BRSK2: variants seen among roughly 807,000 people sequenced by gnomAD.
BRSK2 encodes the protein serine/threonine-protein kinase BRSK2.
In BRSK2, 19 loss-of-function variants were observed where a neutral mutation model predicts 83.3. That is an observed-to-expected ratio of 0.23 (90% CI 0.16 to 0.33). The LOEUF (loss-of-function observed/expected upper bound fraction) is 0.33, where lower values mean the gene tolerates loss of function less well. Among genes scored for constraint, BRSK2 ranks in the 10% least tolerant of loss-of-function variants. BRSK2 has a pLI of 1.00. For missense variants in BRSK2, 798 were observed against 1,042.3 expected (o/e 0.77, Z 3.23); for synonymous variants, 519 against 435.4 (o/e 1.19, Z -2.39).
rs1381060712 is a variant in BRSK2, at chr11:1,456,742, C to T, written c.1939+55C>T. 3 of 1,528,956 alleles carry T rather than the reference C, an allele frequency of 2.0e-6. No individual in the cohort carries two copies. In the African/African-American group the frequency reaches 4.1e-5, roughly 21 times the overall value. The allele number at this position is 1,528,956 out of a possible 1,614,324, so 94.7% of individuals were successfully genotyped here. A position where few individuals can be genotyped will look rare whatever the true frequency, so the allele number is the denominator to read the frequency against. The stretch of plus-strand genomic sequence containing the variant: ...CGGCCTGCGAGTGGGGCGTGGCCAG[C>T]TGGTGCTGCGCGGACGGGAGGCGTG... On this transcript the variant is annotated intron_variant, in intron 18 of 19. Coordinates refer to ENST00000528841, the MANE Select transcript of BRSK2 (RefSeq NM_001256627.2).
At chr11:1,402,932 G>A (rs546035730) in intron 1 of BRSK2, among the ~76,000 whole-genome samples, 1 of 152,072 alleles carries the variant, frequency 6.6e-6, no homozygotes, top group African/African-American at 2.4e-5. Flanking sequence ...CCAAATCCCC[G>A]GGGATTTGTG....
intron 1 of BRSK2, among the ~76,000 whole-genome samples, chr11:1,391,190 C>T (rs906100083): frequency 1.3e-5 from 2 of 152,250 alleles, no homozygotes; most frequent in African/African-American, 4.8e-5. Context: ...TTGGCTAGCC[C>T]TTCATCTGGT....
chr11:1,448,551 G>A (rs796725226), intron 12 of BRSK2, among the ~76,000 whole-genome samples: 68 of 152,050 alleles, frequency 4.5e-4, no homozygotes, highest in African/African-American at 1.6e-3. Context: ...CCACCCCGGG[G>A]TTTCCAGCGC....
intron 8 of BRSK2, 41 bp downstream of exon 8, chr11:1,443,676 G>A (rs1297904860): frequency 1.5e-5 from 22 of 1,504,838 alleles, no homozygotes; most frequent in Admixed American, 2.2e-5. Context: ...AGCGTGGCGG[G>A]GGGGCGCGGG....
chr11:1,444,832 C>T (rs957750218), intron 8 of BRSK2, 139 bp from the exon 9 acceptor site: 14 of 767,076 alleles, frequency 1.8e-5, no homozygotes, highest in African/African-American at 1.5e-4. Context: ...TCTTCCTCCC[C>T]ACCTTCCCCC....
intron 1 of BRSK2, among the ~76,000 whole-genome samples, chr11:1,409,102 CTGTG>C (rs1847144756): frequency 1.3e-5 from 2 of 151,914 alleles, no homozygotes; most frequent in African/African-American, 4.8e-5. Flanking sequence ...GTACACACAT[CTGTG>C]TGTGCCGTCT....
At chr11:1,397,440 G>C (rs1406212440) in intron 1 of BRSK2, among the ~76,000 whole-genome samples, 15 of 152,230 alleles carry the variant, frequency 9.9e-5, no homozygotes, top group Admixed American at 9.8e-4. Context: ...CCACAGAGCA[G>C]TGCTCCCGAA....
chr11:1,429,194 CATGGGTGTGTGT>C (rs1356891329), intron 1 of BRSK2, among the ~76,000 whole-genome samples: 3 of 140,314 alleles, frequency 2.1e-5, no homozygotes, highest in Non-Finnish European at 4.6e-5. Flanking sequence ...TGCGCGTGTG[CATGGGTGTGTGT>C]GCACGCGGTG....
At chr11:1,443,217 C>G (rs1040064010) in intron 6 of BRSK2, 78 bp downstream of exon 6, 165 of 1,518,044 alleles carry the variant, frequency 1.1e-4, no homozygotes, top group Middle Eastern at 7.0e-4. Context: ...CCCAGCCTGC[C>G]GCACCCCCAG....
rs761583694 is a variant in BRSK2, at chr11:1,459,246, A to AT, written c.1987+8dup. Reference sequence around the variant, plus strand: ...GGGCGGCTTTCCAAATGTGGTAAGAATCCCCCACGCTCACCTGGCACCTCC... The same window carrying AT: ...GGGCGGCTTTCCAAATGTGGTAAGAATTCCCCCACGCTCACCTGGCACCTCC... On this transcript the variant is annotated splice_region_variant and intron_variant, in intron 19 of 19. Coordinates refer to ENST00000528841, the MANE Select transcript of BRSK2 (RefSeq NM_001256627.2). The AT allele has an allele frequency of 6.2e-7, 1 of 1,613,522 alleles. No homozygotes were observed. The highest frequency in any genetic ancestry group is 8.5e-7 in the Non-Finnish European group (1 of 1,179,730).
rs1845749700 is a variant in BRSK2 at position 1,391,866 on chromosome 11, G to A, written c.91+1491G>A. ...ACACGATGAGTTATGTGCTGTGCGCGGCCTCGGTGGGTAGGGGCTGGTCTC... is the reference window on the plus strand; with the variant it reads ...ACACGATGAGTTATGTGCTGTGCGCAGCCTCGGTGGGTAGGGGCTGGTCTC... On this transcript the variant is annotated intron_variant, in intron 1 of 19. Coordinates refer to ENST00000528841, the MANE Select transcript of BRSK2 (RefSeq NM_001256627.2). Among the ~76,000 whole-genome samples, 5 of 152,142 alleles carry A rather than the reference G, an allele frequency of 3.3e-5. No individual in the cohort carries two copies. The South Asian group carries it at 1.0e-3, about 31-fold the overall frequency.
chr11:1,452,859 C>T (rs910701412), intron 15 of BRSK2, among the ~76,000 whole-genome samples: 19 of 152,356 alleles, frequency 1.2e-4, no homozygotes, highest in Middle Eastern at 3.4e-3. Flanking sequence ...GGCGACAACT[C>T]GCTTGCTGGG....
rs1042898427 is a variant in BRSK2 at position 1,456,753 on chromosome 11, C to A, written c.1939+66C>A. On this transcript the variant is annotated intron_variant, in intron 18 of 19. Coordinates refer to ENST00000528841, the MANE Select transcript of BRSK2 (RefSeq NM_001256627.2). ...TGGGGCGTGGCCAGCTGGTGCTGCG[C>A]GGACGGGAGGCGTGAGGACCCGGGC... 1.9e-5 allele frequency: 29 copies of A among 1,502,278 alleles called. 1 individual carries two copies. The highest frequency in any genetic ancestry group is 1.6e-4 in the South Asian group (13 of 82,522). The allele number at this position is 1,502,278 out of a possible 1,614,324, so 93.1% of individuals were successfully genotyped here.
Position 1,460,770 on chromosome 11 carries a change from G to A in BRSK2, c.*47G>A, listed in dbSNP as rs1429292636. ...GCACAGCACTGACAGCGGCTGCCTC[G>A]CCGCCCGCCGCCCGCCCTGCCCCGA... is the stretch of plus-strand genomic sequence containing the variant. On this transcript the variant is annotated 3_prime_UTR_variant, in exon 20 of 20. Coordinates refer to ENST00000528841, the MANE Select transcript of BRSK2 (RefSeq NM_001256627.2). The A allele has an allele frequency of 4.5e-6, 6 of 1,347,262 alleles. No individual in the cohort carries two copies. Among genetic ancestry groups the A allele is most frequent in the Admixed American group, 3.7e-5 (1 of 26,962 alleles). The allele number at this position is 1,347,262 out of a possible 1,614,324, so 83.5% of individuals were successfully genotyped here. A position where few individuals can be genotyped will look rare whatever the true frequency, so the allele number is the denominator to read the frequency against.
chr11:1,443,349 C>T lies in BRSK2; in HGVS notation c.579C>T (p.Asp193=), dbSNP rs368596722. ...CPEVIRGEKY[D]GRKADVWSCG... ...GCTGTCCACAGGGGGAGAAGTATGA[C>T]GGCCGGAAGGCGGACGTGTGGAGCT... The change falls in exon 7 of 20, where the codon GAC becomes GAT. Residue 193 remains aspartate, a synonymous_variant. Transcript: ENST00000528841. 128 of 1,608,114 alleles carry T rather than the reference C, an allele frequency of 8.0e-5. No homozygotes were observed. The highest frequency in any genetic ancestry group is 9.6e-5 in the Non-Finnish European group (113 of 1,178,354).
At chr11:1,436,476 G>C (rs920014409) in intron 2 of BRSK2, among the ~76,000 whole-genome samples, 16 of 152,168 alleles carry the variant, frequency 1.1e-4, no homozygotes, top group Non-Finnish European at 2.1e-4. Context: ...CCCTGCCTCA[G>C]AGCACCCCTC....
intron 1 of BRSK2, among the ~76,000 whole-genome samples, chr11:1,399,473 G>A (rs1030292841): frequency 9.2e-5 from 14 of 152,196 alleles, no homozygotes; most frequent in African/African-American, 3.4e-4. Flanking sequence ...TCCCCCAGCC[G>A]ATGGGATTTT....
chr11:1,439,832 A>AGGGCTTCACACCTTCCCCTGCCCTGG (rs1204595430), intron 3 of BRSK2, among the ~76,000 whole-genome samples: 2,110 of 142,890 alleles, frequency 0.015, 35 homozygotes, highest in Non-Finnish European at 0.021. Flanking sequence ...CCCTGCCCTG[A>AGGGCTTCACACCTTCCCCTGCCCTGG]GGGCTTCACA....
Position 1,443,113 on chromosome 11 carries a change from C to A in BRSK2, c.538C>A (p.His180Asn). 1 of 1,535,586 alleles carries A rather than the reference C, an allele frequency of 6.5e-7. No homozygotes were observed. Among genetic ancestry groups the A allele is most frequent in the Non-Finnish European group, 8.7e-7 (1 of 1,146,190 alleles). ...SLLETSCGSPHYACPEVIRGE... is the reference protein window; with the variant it reads ...SLLETSCGSPNYACPEVIRGE... The stretch of plus-strand genomic sequence containing the variant: ...CTCTGCCCTTGCCCGCAGGTCCCCC[C>A]ACTACGCCTGCCCCGAGGTGATCCG... Residue 180 changes from histidine to asparagine, a missense_variant, in exon 6 of 20, where the codon CAC becomes AAC. Transcript: ENST00000528841.
Sources: gnomAD v4.1 joint callset for allele counts (sites outside exome capture counted in the v4.1 genomes callset) on GRCh38, gnomAD v4.1.1 for gene constraint, MANE v1.5 for transcripts, NCBI Gene and HGNC (gene_info 2026-07-23, HGNC 2026-07-21) for gene names.